Variants in ZNF732 observed in about 807,000 individuals in gnomAD.
ZNF732 encodes the protein zinc finger protein LOC654254.
ZNF732 carries 12 observed loss-of-function variants against 11.5 expected under a neutral mutation model. That is an observed-to-expected ratio of 1.05 (90% CI 0.67 to 1.70). The LOEUF is 1.70. ZNF732 is among the 40% of genes most tolerant of loss of function. ZNF732 has a pLI of 0.00. For missense variants in ZNF732, 702 were observed against 676.9 expected (o/e 1.04, Z -0.41); for synonymous variants, 231 against 236.5 (o/e 0.98, Z 0.21).
chr4:276,867 C>G (rs6814846), intron 3 of ZNF732, among the ~76,000 whole-genome samples: 8 of 145,104 alleles, frequency 5.5e-5, no homozygotes, highest in African/African-American at 2.0e-4. Flanking sequence ...AAGGGGGGGA[C>G]AAAAAAAAAC....
chr4:284,186 T>C (rs918472218), intron 3 of ZNF732, among the ~76,000 whole-genome samples: 12 of 152,024 alleles, frequency 7.9e-5, no homozygotes, highest in Non-Finnish European at 1.3e-4. Context: ...GCTGGGATTA[T>C]AGGCATGAGC....
rs782379055 is a variant in ZNF732 at position 271,845 on chromosome 4, C to T, written c.1012G>A (p.Glu338Lys). The change falls in exon 4 of 4, where the codon GAA (glutamate) becomes AAA (lysine). Residue 338 changes from glutamate to lysine, a missense_variant. Glu to Lys is a moderately conservative substitution (Grantham distance 56). This residue lies in a region of ZNF732 where 596 missense variants were observed against 557.9 expected (regional missense o/e 1.07). Transcript: ENST00000419098. ...GACCTACTAAAGGCTTTGCCACATTCTTCACATGTGTAGGGTTTCTCTCCA... is the reference window on the plus strand; with the variant it reads ...GACCTACTAAAGGCTTTGCCACATTTTTCACATGTGTAGGGTTTCTCTCCA... Reference protein sequence around the residue: ...HTGEKPYTCEECGKAFSRSSV... With the variant: ...HTGEKPYTCEKCGKAFSRSSV... 2.5e-6 allele frequency: 4 copies of T among 1,613,622 alleles called. No homozygotes were observed. Among genetic ancestry groups the T allele is most frequent in the South Asian group, 1.1e-5 (1 of 91,030 alleles).
Position 299,371 on chromosome 4 carries a change from GTA to G in ZNF732, c.4-3218_4-3217del, listed in dbSNP as rs782754403. Among the ~76,000 whole-genome samples the G allele has an allele frequency of 6.3e-3, 382 of 60,766 alleles. 17 individuals carry two copies. Among genetic ancestry groups the G allele is most frequent in the African/African-American group, 0.02 (300 of 15,062 alleles). The allele number at this position is 60,766 out of a possible 152,430, so 39.9% of individuals were successfully genotyped here. A position where few individuals can be genotyped will look rare whatever the true frequency, so the allele number is the denominator to read the frequency against. ...TATATACACATATATACACATATGT[GTA>G]TATATATATACACATATGTACACAT... On this transcript the variant is annotated intron_variant, in intron 1 of 3. Transcript: ENST00000419098.
chr4:283,529 A>G (rs1382218285), intron 3 of ZNF732, among the ~76,000 whole-genome samples: 2 of 152,036 alleles, frequency 1.3e-5, no homozygotes, highest in African/African-American at 2.4e-5. Context: ...AAAAAACTTC[A>G]TGATATAGTG....
chr4:294,146 G>A (rs1719899500), intron 3 of ZNF732, among the ~76,000 whole-genome samples: 1 of 151,926 alleles, frequency 6.6e-6, no homozygotes, highest in Non-Finnish European at 1.5e-5. Flanking sequence ...GATTACAGGC[G>A]CCCCCCACCA....
At position 272,613 on chromosome 4, in the gene ZNF732, T is replaced by G. The variant is rs782463352; in HGVS notation, c.244A>C (p.Thr82Pro). The part of the protein sequence containing the change: ...AKHPAVCSHF[T>P]QDFLPVQGIE... Reference sequence around the variant, plus strand: ...CCCTGCACTGGCAAAAAGTCTTGGGTGAAATGAGAACACACAGCTGAAAGA... The same window carrying G: ...CCCTGCACTGGCAAAAAGTCTTGGGGGAAATGAGAACACACAGCTGAAAGA... The change falls in exon 4 of 4, where the codon ACC becomes CCC. Residue 82 changes from threonine to proline, a missense_variant. Thr to Pro is a conservative substitution (Grantham distance 38). Transcript: ENST00000419098. 6.5e-7 allele frequency: 1 copy of G among 1,529,484 alleles called. No individual in the cohort carries two copies. The highest frequency in any genetic ancestry group is 8.7e-7 in the Non-Finnish European group (1 of 1,143,314). 94.7% of individuals were successfully genotyped at this position (1,529,484 alleles called of 1,614,324 possible).
intron 1 of ZNF732, among the ~76,000 whole-genome samples, chr4:304,778 AG>A (rs1390272804): frequency 3.0e-4 from 45 of 152,354 alleles, no homozygotes; most frequent in Admixed American, 8.5e-4. Flanking sequence ...GCACAGGGCA[AG>A]GGGACTGGTG....
chr4:299,377 ATATATACACATATG>A (rs1720034506), intron 1 of ZNF732, among the ~76,000 whole-genome samples: 1 of 104,514 alleles, frequency 9.6e-6, no homozygotes, highest in Non-Finnish European at 2.1e-5. Context: ...ATGTGTATAT[ATATATACACATATG>A]TACACATATG....
At position 282,656 on chromosome 4, in the gene ZNF732, C is replaced by T. The variant is rs555106286; in HGVS notation, c.227-10026G>A. ...GTTCAAGGCTGCACTGAGCTGTGAA[C>T]CCACCACTGCACTACATCCTGGGAA... On this transcript the variant is annotated intron_variant, in intron 3 of 3. Coordinates refer to ENST00000419098, the MANE Select transcript of ZNF732 (RefSeq NM_001137608.3). 1.2e-4 allele frequency among the ~76,000 whole-genome samples: 19 copies of T among 152,128 alleles called. 1 individual carries two copies. The South Asian group carries it at 3.5e-3, about 28-fold the overall frequency.
intron 1 of ZNF732, among the ~76,000 whole-genome samples, chr4:297,588 G>T (rs1581546831): frequency 9.4e-6 from 1 of 106,864 alleles, no homozygotes; most frequent in African/African-American, 3.6e-5. Context: ...ATTTATTTTT[G>T]TGTTGTATTT....
chr4:271,060 T>C lies in ZNF732; in HGVS notation c.*39A>G. On this transcript the variant is annotated 3_prime_UTR_variant, in exon 4 of 4. Transcript: ENST00000419098. ...AAATTTTCTTATGTTCATTCAGGTT[T>C]GTGGATCATCCAAAGGCTTTGCCAC... 1 of 1,427,030 alleles carries C rather than the reference T, an allele frequency of 7.0e-7. No individual in the cohort carries two copies. The highest frequency in any genetic ancestry group is 2.4e-5 in the East Asian group (1 of 41,542). The allele number at this position is 1,427,030 out of a possible 1,614,324, so 88.4% of individuals were successfully genotyped here.
At chr4:278,013 T>A (rs1553839034) in intron 3 of ZNF732, among the ~76,000 whole-genome samples, 1 of 152,128 alleles carries the variant, frequency 6.6e-6, no homozygotes, top group East Asian at 1.9e-4. Context: ...AAATGTGGTA[T>A]ATATACACAA....
chr4:299,438 TATATATATATATACAC>T (rs1720046818), intron 1 of ZNF732, among the ~76,000 whole-genome samples: 16 of 3,558 alleles, frequency 4.5e-3, no homozygotes, highest in South Asian at 0.022. Context: ...CATATGTGTA[TATATATATATATACAC>T]ATATGTGTAT....
chr4:295,701 C>T (rs201965464), intron 2 of ZNF732, among the ~76,000 whole-genome samples, 168 bp from the exon 3 acceptor site: 1 of 152,074 alleles, frequency 6.6e-6, no homozygotes, highest in Non-Finnish European at 1.5e-5. Flanking sequence ...TCTGTGGGTT[C>T]TAAGTTCCAC....
Position 271,399 on chromosome 4 carries a change from G to A in ZNF732, c.1458C>T (p.Ser486=), listed in dbSNP as rs370745325. The change falls in exon 4 of 4, where the codon TCC becomes TCT. Residue 486 remains serine (S), a synonymous_variant. Transcript: ENST00000419098. ...TTGTCTTATGTTTATTCAGGGCTCT[G>A]GAACATAAAAAGGCTTTGCCACACT... is the stretch of plus-strand genomic sequence containing the variant. ...CEECGKAFLC[S]RALNKHKTIH... The A allele has an allele frequency of 1.1e-5, 17 of 1,601,864 alleles. No homozygotes were observed. Among genetic ancestry groups the A allele is most frequent in the Non-Finnish European group, 1.4e-5 (16 of 1,173,732 alleles).
At chr4:293,016 C>T (rs1210196251) in intron 3 of ZNF732, among the ~76,000 whole-genome samples, 1 of 129,850 alleles carries the variant, frequency 7.7e-6, no homozygotes, top group Non-Finnish European at 1.6e-5. Flanking sequence ...TGCAGTGAGC[C>T]GAGATCGCGC....
chr4:305,298 C>G lies in ZNF732; in HGVS notation c.3+10G>C, dbSNP rs782169530. ...TCCCCAGCCTTGGGACGCCCTGCCC[C>G]CACACTCACCATTTCCCCACTTCAG... On this transcript the variant is annotated intron_variant, in intron 1 of 3. Transcript: ENST00000419098. The G allele has an allele frequency of 1.9e-6, 3 of 1,607,142 alleles. No individual in the cohort carries two copies. Among genetic ancestry groups the G allele is most frequent in the African/African-American group, 1.3e-5 (1 of 74,898 alleles).
intron 1 of ZNF732, among the ~76,000 whole-genome samples, chr4:304,714 C>A (rs868965136): frequency 3.9e-5 from 6 of 152,346 alleles, no homozygotes; most frequent in Middle Eastern, 6.8e-3. Flanking sequence ...CTGTGCGCGC[C>A]CACACCAGCG....
At chr4:280,309 C>T (rs199933694) in intron 3 of ZNF732, among the ~76,000 whole-genome samples, 1 of 103,740 alleles carries the variant, frequency 9.6e-6, no homozygotes. Flanking sequence ...AAAAAAAAAA[C>T]GGCCAGCTGC....
Sources: gnomAD v4.1 joint callset for allele counts (sites outside exome capture counted in the v4.1 genomes callset) on GRCh38, gnomAD v4.1.1 for gene constraint, gnomAD v4.1.1 regional missense constraint, MANE v1.5 for transcripts, NCBI Gene and HGNC (gene_info 2026-07-23, HGNC 2026-07-21) for gene names.